The following FCHO1 variants were observed in gnomAD, a reference collection of about 807,000 sequenced individuals.
The protein encoded by FCHO1 is FCH and mu domain containing endocytic adaptor 1.
In FCHO1, 45 loss-of-function variants were observed where a neutral mutation model predicts 114.4. That is an observed-to-expected ratio of 0.39 (90% CI 0.31 to 0.50). The LOEUF (loss-of-function observed/expected upper bound fraction) is 0.50, where lower values mean the gene tolerates loss of function less well. Among genes scored for constraint, FCHO1 ranks in the 20% least tolerant of loss-of-function variants. The probability of loss-of-function intolerance (pLI) is 0.77; values close to 1 mark genes in which losing one functional copy is unlikely to be tolerated. For synonymous variants in FCHO1, 480 were observed against 488.9 expected (o/e 0.98, Z 0.24); for missense variants, 1,042 against 1,209.6 (o/e 0.86, Z 2.06).
chr19:17,769,991 C>G (rs2090987645), intron 7 of FCHO1, among the ~76,000 whole-genome samples: 1 of 151,000 alleles, frequency 6.6e-6, no homozygotes, highest in African/African-American at 2.4e-5. Context: ...TAGCAAGACC[C>G]CATTGCTATT....
At chr19:17,782,599 G>A (rs1044538343) in intron 23 of FCHO1, among the ~76,000 whole-genome samples, 1 of 152,186 alleles carries the variant, frequency 6.6e-6, no homozygotes, top group Non-Finnish European at 1.5e-5. Context: ...GTTAGGCCCA[G>A]TAAGTGGGTA....
chr19:17,750,127 T>C (rs895570149), upstream of FCHO1, among the ~76,000 whole-genome samples: 20 of 152,164 alleles, frequency 1.3e-4, no homozygotes, highest in Non-Finnish European at 2.8e-4. Context: ...AGCCCCAGGT[T>C]TGCAAGACTT....
intron 20 of FCHO1, among the ~76,000 whole-genome samples, chr19:17,779,628 GGGA>G (rs1446745049): frequency 1.6e-5 from 2 of 128,280 alleles, no homozygotes; most frequent in African/African-American, 7.9e-5. Flanking sequence ...AGTCAAGGGA[GGGA>G]GGAGGATGGG....
chr19:17,787,424 A>AG (rs1401387763), intron 27 of FCHO1, among the ~76,000 whole-genome samples: 1 of 151,732 alleles, frequency 6.6e-6, no homozygotes, highest in Admixed American at 6.6e-5. Context: ...AAAAAAAAAA[A>AG]AAAAGCTGAA....
chr19:17,766,537 G>A (rs1184199669), intron 6 of FCHO1, 132 bp from the exon 7 acceptor site: 2 of 1,199,606 alleles, frequency 1.7e-6, no homozygotes, highest in African/African-American at 1.5e-5. Context: ...AGCTGCCATG[G>A]AGATTATATG....
At position 17,781,551 on chromosome 19, in the gene FCHO1, C is replaced by T. The variant is rs199761367; in HGVS notation, c.1828+12C>T. On this transcript the variant is annotated intron_variant, in intron 22 of 28. Transcript: ENST00000596536. ...CCAGACAGGACACGGTATGTGAGGG[C>T]GGTCCTGGGCCTGGCTTTGGGCCTC... The T allele has an allele frequency of 2.1e-5, 34 of 1,613,260 alleles. No homozygotes were observed. The highest frequency in any genetic ancestry group is 1.8e-4 in the Admixed American group (11 of 60,006).
intron 8 of FCHO1, 44 bp from the exon 9 acceptor site, chr19:17,770,746 CCT>C (rs1224912519): frequency 6.2e-7 from 1 of 1,600,676 alleles, no homozygotes; most frequent in East Asian, 2.2e-5. Context: ...GGGGAGGCCC[CCT>C]GAGTATCGCC....
In FCHO1 at chr19:17,766,708, G is replaced by C; in HGVS notation, c.234G>C (p.Ser78=). The C allele has an allele frequency of 6.2e-7, 1 of 1,614,126 alleles. No individual in the cohort carries two copies. Among genetic ancestry groups the C allele is most frequent in the Non-Finnish European group, 8.5e-7 (1 of 1,180,016 alleles). The change falls in exon 7 of 29, where the codon TCG becomes TCC. Residue 78 remains serine (S), a synonymous_variant. Coordinates refer to ENST00000596536, the MANE Select transcript of FCHO1 (RefSeq NM_015122.3). ...TCTGGGAGGTCTTCCGCGTCTCCTC[G>C]GACAAGCTGGCGCTGTGCCACCTGG... The part of the protein sequence containing the change: ...APLWEVFRVS[S]DKLALCHLEL...
In FCHO1 at chr19:17,757,206, A is replaced by G. The variant is rs894376033; in HGVS notation, c.27+2015A>G. Among the ~76,000 whole-genome samples the G allele has an allele frequency of 5.4e-5, 8 of 148,178 alleles. No individual in the cohort carries two copies. The South Asian group carries it at 1.5e-3, about 27-fold the overall frequency. On this transcript the variant is annotated intron_variant, in intron 4 of 28. Coordinates refer to ENST00000596536, the MANE Select transcript of FCHO1 (RefSeq NM_015122.3). ...CTAAAAAAAAAAAAAAAAAAAAAAG[A>G]CCACATTTTGGCTGGCACAGAGGCC...
rs202022558 is a variant in FCHO1 at position 17,774,415 on chromosome 19, C to T, written c.857C>T (p.Ala286Val). 231 of 1,614,002 alleles carry T rather than the reference C, an allele frequency of 1.4e-4. 2 individuals carry two copies. The East Asian group carries it at 5.1e-3, about 36-fold the overall frequency. Residue 286 changes from alanine (A) to valine (V), a missense_variant, in exon 13 of 29, where the codon GCC becomes GTC. Physicochemically the swap from Ala to Val is moderately conservative, Grantham distance 64 (BLOSUM62 0). This residue lies in a region of FCHO1 where 450 missense variants were observed against 564.1 expected (regional missense o/e 0.80). Transcript: ENST00000596536. ...LQEAMKRLRG[A>V]KAFRLPGLSR... ...TCAGCGATGAAACGTTTGCGGGGAG[C>T]CAAGGCCTTTCGCCTTCCAGGACTA...
rs555340548 is a variant in FCHO1 at position 17,774,610 on chromosome 19, T to C, written c.920+132T>C. The C allele has an allele frequency of 6.1e-5, 43 of 699,334 alleles. 1 individual carries two copies. In the South Asian group the frequency reaches 7.5e-4, roughly 12 times the overall value. 43.3% of individuals were successfully genotyped at this position (699,334 alleles called of 1,614,324 possible). Reference sequence around the variant, plus strand: ...TTCCAGGCTGGACCAGGATTCCCTCTACCTGAGCTAGACCAGGAGTACCTC... The same window carrying C: ...TTCCAGGCTGGACCAGGATTCCCTCCACCTGAGCTAGACCAGGAGTACCTC... On this transcript the variant is annotated intron_variant, in intron 13 of 28. Coordinates refer to ENST00000596536, the MANE Select transcript of FCHO1 (RefSeq NM_015122.3).
chr19:17,781,608 T>C, intron 22 of FCHO1, 69 bp downstream of exon 22: 1 of 1,577,944 alleles, frequency 6.3e-7, no homozygotes, highest in Non-Finnish European at 8.7e-7. Context: ...GGTGGGTGGC[T>C]TCTCTGTTGG....
rs551704449 is a variant in FCHO1 at position 17,757,401 on chromosome 19, G to A, written c.27+2210G>A. Among the ~76,000 whole-genome samples the A allele has an allele frequency of 5.9e-5, 9 of 152,168 alleles. 1 individual carries two copies. In the South Asian group the frequency reaches 8.3e-4, roughly 14 times the overall value. On this transcript the variant is annotated intron_variant, in intron 4 of 28. Transcript: ENST00000596536. ...GTCAGACCCAGATGCTGCTCTGGGC[G>A]GTGGTGCCTGGTGCAGCCTCACCCG...
chr19:17,750,973 C>T (rs375629743), upstream of FCHO1, among the ~76,000 whole-genome samples: 108 of 152,136 alleles, frequency 7.1e-4, 2 homozygotes, highest in East Asian at 0.012. Flanking sequence ...TCCTGAGTAG[C>T]TGGGACTACA....
chr19:17,769,981 T>C (rs1375170641), intron 7 of FCHO1, among the ~76,000 whole-genome samples: 3 of 151,564 alleles, frequency 2.0e-5, no homozygotes, highest in East Asian at 1.9e-4. Context: ...CTGGGCAACA[T>C]AGCAAGACCC....
intron 7 of FCHO1, among the ~76,000 whole-genome samples, chr19:17,770,022 G>A (rs576517263): frequency 1.3e-5 from 2 of 152,130 alleles, no homozygotes; most frequent in South Asian, 2.1e-4. Context: ...CACAGAGGCC[G>A]GGCGTGGTGG....
Position 17,767,576 on chromosome 19 carries a change from A to C in FCHO1, c.336+766A>C, listed in dbSNP as rs535428472. Among the ~76,000 whole-genome samples the C allele has an allele frequency of 5.9e-4, 90 of 151,700 alleles. 1 individual carries two copies. Among genetic ancestry groups the C allele is most frequent in the Non-Finnish European group, 9.0e-4 (61 of 67,860 alleles). On this transcript the variant is annotated intron_variant, in intron 7 of 28. Transcript: ENST00000596536. ...AGAAAGACTGTCTAAAAAAAAAAAA[A>C]AAAAAAACAAGAGAGAGAGATGGGT...
chr19:17,760,432 A>G (rs1001887512), intron 4 of FCHO1, among the ~76,000 whole-genome samples: 2 of 152,108 alleles, frequency 1.3e-5, no homozygotes, highest in Admixed American at 1.3e-4. Context: ...CGGCGTTAAG[A>G]TATAGTTGTT....
At chr19:17,774,673 A>G (rs1246065562) in intron 13 of FCHO1, 195 bp downstream of exon 13, 2 of 597,512 alleles carry the variant, frequency 3.3e-6, no homozygotes, top group Non-Finnish European at 5.9e-6. Context: ...TGCCCAAGCT[A>G]GTCCAGAATT....
Sources: allele counts gnomAD v4.1 joint callset (sites outside exome capture counted in the v4.1 genomes callset), GRCh38; gene constraint gnomAD v4.1.1; regional missense constraint gnomAD v4.1.1; transcripts MANE v1.5; gene names NCBI Gene and HGNC (gene_info 2026-07-23, HGNC 2026-07-21).